The following GSE1 variants were observed in gnomAD, a reference collection of about 807,000 sequenced individuals.
The protein encoded by GSE1 is Gse1 coiled-coil protein, also known as genetic suppressor element 1.
A neutral mutation model predicts 112.6 loss-of-function variants in GSE1; 32 were observed. The ratio of observed to expected loss-of-function variants is 0.28; its 90% CI spans 0.21 to 0.38. The LOEUF (loss-of-function observed/expected upper bound fraction) is 0.38. Ranked by LOEUF, GSE1 falls within the 10% of genes least tolerant of loss-of-function variation. The pLI is 1.00. For missense variants in GSE1, 2,348 were observed against 1,699.2 expected (o/e 1.38, Z -6.71); for synonymous variants, 1,115 against 735.6 (o/e 1.52, Z -8.35).
chr16:85,512,585 A>G (rs2051784956), intron 2 of GSE1, among the ~76,000 whole-genome samples: 1 of 152,144 alleles, frequency 6.6e-6, no homozygotes, highest in African/African-American at 2.4e-5. Flanking sequence ...TTCTGAGGCA[A>G]ATGGCTGATT....
At chr16:85,585,132 G>A (rs1345533345) in intron 1 of GSE1, among the ~76,000 whole-genome samples, 4 of 152,230 alleles carry the variant, frequency 2.6e-5, no homozygotes, top group Non-Finnish European at 4.4e-5. Context: ...GCCGTTTGCC[G>A]CTTTCCACCT....
chr16:85,610,803 C>T (rs935016498), upstream of GSE1, among the ~76,000 whole-genome samples: 4 of 152,230 alleles, frequency 2.6e-5, no homozygotes, highest in Non-Finnish European at 5.9e-5. Context: ...CCTGTGTGCA[C>T]ATGATCTTGA....
intron 4 of GSE1, 62 bp from the exon 5 acceptor site, chr16:85,654,732 C>A: frequency 5.9e-6 from 6 of 1,011,188 alleles, no homozygotes; most frequent in African/African-American, 3.2e-5. Flanking sequence ...TTAGCCGTCC[C>A]CCCATGCAGG....
chr16:85,654,033 C>T (rs1323271091), intron 3 of GSE1, among the ~76,000 whole-genome samples: 1 of 152,084 alleles, frequency 6.6e-6, no homozygotes, highest in Non-Finnish European at 1.5e-5. Context: ...CTGAGGAGGC[C>T]CAGGGAGGGA....
chr16:85,408,037 CTGGATAATCCTGTTACTCTCAGGGCACCT>C (rs2048357643), intron 2 of GSE1, among the ~76,000 whole-genome samples: 2 of 47,998 alleles, frequency 4.2e-5, no homozygotes, highest in Non-Finnish European at 7.8e-5. Context: ...CAGGGCCCCC[CTGGATAATCCTGTTACTCTCAGGGCACCT>C]GGATAATCCT....
At chr16:85,248,134 G>A (rs932313996) in intron 1 of GSE1, among the ~76,000 whole-genome samples, 4 of 152,190 alleles carry the variant, frequency 2.6e-5, no homozygotes, top group African/African-American at 9.7e-5. Context: ...GGATGGGCAG[G>A]ACCCTGCTGC....
intron 1 of GSE1, among the ~76,000 whole-genome samples, chr16:85,613,756 G>T (rs1368880532): frequency 2.6e-5 from 4 of 151,288 alleles, no homozygotes. Flanking sequence ...TGCGGGCGCT[G>T]GAGAGCTGGA....
intron 2 of GSE1, among the ~76,000 whole-genome samples, chr16:85,512,817 G>A (rs1452623554): frequency 6.6e-6 from 1 of 152,242 alleles, no homozygotes; most frequent in African/African-American, 2.4e-5. Flanking sequence ...CGAGAGGGTC[G>A]GGTATAGGGG....
intron 1 of GSE1, among the ~76,000 whole-genome samples, chr16:85,296,190 C>T (rs1459215223): frequency 2.6e-5 from 4 of 152,166 alleles, no homozygotes; most frequent in African/African-American, 9.7e-5. Flanking sequence ...GGGAAGGGGA[C>T]AGCCTGTGCG....
intron 2 of GSE1, among the ~76,000 whole-genome samples, chr16:85,396,546 C>A (rs1203009886): frequency 6.6e-6 from 1 of 152,284 alleles, no homozygotes; most frequent in Non-Finnish European, 1.5e-5. Context: ...TGCCTGGCCA[C>A]TGCCAGAGGC....
intron 2 of GSE1, among the ~76,000 whole-genome samples, chr16:85,509,922 C>G (rs909145345): frequency 3.3e-5 from 5 of 152,234 alleles, no homozygotes; most frequent in African/African-American, 1.2e-4. Flanking sequence ...CAGAAGCTGA[C>G]AAGAGCCATT....
At chr16:85,669,500 G>C (rs1018947073) in intron 14 of GSE1, among the ~76,000 whole-genome samples, 2 of 152,048 alleles carry the variant, frequency 1.3e-5, no homozygotes, top group Admixed American at 1.3e-4. Flanking sequence ...CCCGTATTTT[G>C]TTTCCTTTCC....
chr16:85,170,615 C>T (rs12443991), exon 1 of GSE1: 286,712 of 985,198 alleles, frequency 0.29, 42,984 homozygotes, highest in African/African-American at 0.41. Flanking sequence ...GCGGCACCAG[C>T]AGAAGGCCTT....
In GSE1 at chr16:85,569,484, A is replaced by T. The variant is rs2045893066; in HGVS notation, c.37+13121A>T. On this transcript the variant is annotated intron_variant, in intron 1 of 2. Transcript: ENST00000635906. ...TACTTGGGTGGTAAATGTGGAGGAT[A>T]ATTTTCCTGAGGCTGCTGTGAGAAT... Among the ~76,000 whole-genome samples, 2 of 152,214 alleles carry T rather than the reference A, an allele frequency of 1.3e-5. 1 individual carries two copies. Among genetic ancestry groups the T allele is most frequent in the South Asian group, 4.1e-4 (2 of 4,830 alleles).
chr16:85,170,906 C>CT lies in GSE1; in HGVS notation c.1383dup (p.Lys462Ter). On this transcript the variant is annotated frameshift_variant, in exon 1 of 3. Coordinates refer to the GSE1 transcript ENST00000637419. LOFTEE classifies it high-confidence loss of function. Reference sequence around the variant, plus strand: ...GACAGCCACGCCCCCGGCATGGCCTCTAAGGGCAGGAGGCTCCCGAGGGAA... The same window carrying CT: ...GACAGCCACGCCCCCGGCATGGCCTCTTAAGGGCAGGAGGCTCCCGAGGGAA... 3 of 985,600 alleles carry CT rather than the reference C, an allele frequency of 3.0e-6. No homozygotes were observed. The highest frequency in any genetic ancestry group is 3.6e-6 in the Non-Finnish European group (3 of 830,038). The allele number at this position is 985,600 out of a possible 1,614,324, so 61.1% of individuals were successfully genotyped here. A position where few individuals can be genotyped will look rare whatever the true frequency, so the allele number is the denominator to read the frequency against.
At chr16:85,430,507 A>C (rs1335574088) in intron 2 of GSE1, among the ~76,000 whole-genome samples, 1 of 152,166 alleles carries the variant, frequency 6.6e-6, no homozygotes, top group Admixed American at 6.5e-5. Flanking sequence ...CCGGCCTGGG[A>C]ATGACCTTGG....
At chr16:85,670,195 T>C (rs1043276803) in intron 14 of GSE1, among the ~76,000 whole-genome samples, 5 of 152,242 alleles carry the variant, frequency 3.3e-5, no homozygotes, top group African/African-American at 1.2e-4. Context: ...ATTCCTTAGA[T>C]CAGAGGAATC....
At position 85,565,613 on chromosome 16, in the gene GSE1, G is replaced by A. The variant is rs148915655; in HGVS notation, c.37+9250G>A. Among the ~76,000 whole-genome samples, 1,024 of 152,296 alleles carry A rather than the reference G, an allele frequency of 6.7e-3. 9 individuals are homozygous for A. Among genetic ancestry groups the A allele is most frequent in the Non-Finnish European group, 9.5e-3 (644 of 68,020 alleles). ...GGAAGGGTGAGAGAGCCAGGGCAGC[G>A]AGTGCCAAGGCTGTTTCCTGTGGAG... is the stretch of plus-strand genomic sequence containing the variant. On this transcript the variant is annotated intron_variant, in intron 1 of 2. Transcript: ENST00000635906.
rs138273376 is a variant in GSE1, at chr16:85,240,792, T to G, written c.2283+68985T>G. On this transcript the variant is annotated intron_variant, in intron 1 of 2. Transcript: ENST00000637419. Reference sequence around the variant, plus strand: ...CAGGACTTCGTCTCTCTTGGCTGAATTGTATTCAGAGGCTGGTGCTGGGTT... The same window carrying G: ...CAGGACTTCGTCTCTCTTGGCTGAAGTGTATTCAGAGGCTGGTGCTGGGTT... 6.8e-3 allele frequency among the ~76,000 whole-genome samples: 1,029 copies of G among 152,252 alleles called. 14 individuals are homozygous for G. Among genetic ancestry groups the G allele is most frequent in the African/African-American group, 0.023 (949 of 41,542 alleles).
Sources: gnomAD v4.1 joint callset for allele counts (sites outside exome capture counted in the v4.1 genomes callset) on GRCh38, gnomAD v4.1.1 for gene constraint, MANE v1.5 for transcripts, NCBI Gene and HGNC (gene_info 2026-07-23, HGNC 2026-07-21) for gene names.